MBD5: variants seen among roughly 807,000 people sequenced by gnomAD.
MBD5 encodes methyl-CpG-binding domain protein 5.
A neutral mutation model predicts 117.3 loss-of-function variants in MBD5; 13 were observed. That is an observed-to-expected ratio of 0.11 (90% CI 0.07 to 0.18). MBD5 has a LOEUF of 0.18. MBD5 is among the 10% of genes least tolerant of loss of function. MBD5 has a pLI of 1.00. For synonymous variants in MBD5, 727 were observed against 766.4 expected (o/e 0.95, Z 0.85); for missense variants, 1,879 against 2,093.8 (o/e 0.90, Z 2.00).
intron 1 of MBD5, among the ~76,000 whole-genome samples, chr2:148,108,338 C>A (rs1405755422): frequency 3.9e-5 from 6 of 152,008 alleles, no homozygotes; most frequent in Non-Finnish European, 4.4e-5. Context: ...TATAATGGTA[C>A]CTTTTTTATA....
chr2:148,149,237 A>G (rs1366058055), intron 1 of MBD5, among the ~76,000 whole-genome samples: 4 of 137,284 alleles, frequency 2.9e-5, no homozygotes, highest in East Asian at 2.1e-4. Context: ...ATGATTTCCA[A>G]TTTCATCCAT....
intron 2 of MBD5, among the ~76,000 whole-genome samples, chr2:148,197,806 G>GTTTTTTTTTTTTTTTTTTTTTTTTTT (rs67499597): frequency 1.1e-5 from 1 of 92,520 alleles, no homozygotes; most frequent in Non-Finnish European, 2.1e-5. Flanking sequence ...TTTTTTTTTT[G>GTTTTTTTTTTTTTTTTTTTTTTTTTT]TTTTTTTTTT....
chr2:148,140,764 C>CTT (rs912432089), intron 1 of MBD5, among the ~76,000 whole-genome samples: 1 of 144,774 alleles, frequency 6.9e-6, no homozygotes. Context: ...TAATGCTGTT[C>CTT]TTTTTTTTTT....
intron 4 of MBD5, among the ~76,000 whole-genome samples, chr2:148,443,523 G>T (rs575668421): frequency 6.6e-6 from 1 of 151,334 alleles, no homozygotes; most frequent in African/African-American, 2.5e-5. Flanking sequence ...TAAAGAAAAT[G>T]TAGTATATAT....
chr2:148,416,564 C>G (rs566765272), intron 4 of MBD5, among the ~76,000 whole-genome samples: 1 of 152,116 alleles, frequency 6.6e-6, no homozygotes, highest in African/African-American at 2.4e-5. Context: ...TTTATGTAGT[C>G]AAATTAACTA....
chr2:148,289,149 GT>G lies in MBD5; in HGVS notation c.-679-53058del, dbSNP rs944335936. Among the ~76,000 whole-genome samples the G allele has an allele frequency of 2.2e-4, 34 of 152,096 alleles. 1 individual carries two copies. Among genetic ancestry groups the G allele is most frequent in the Non-Finnish European group, 2.1e-4 (14 of 68,000 alleles). On this transcript the variant is annotated intron_variant, in intron 3 of 13. Coordinates refer to ENST00000642680, the MANE Select transcript of MBD5 (RefSeq NM_001378120.1). ...GCTAATAGTAGAAATGGCCAAAATA[GT>G]TTTTTTATTTGACTCAAGCTGATAC... is the stretch of plus-strand genomic sequence containing the variant.
At chr2:148,114,970 G>A (rs1381747507) in intron 1 of MBD5, among the ~76,000 whole-genome samples, 5 of 152,044 alleles carry the variant, frequency 3.3e-5, no homozygotes, top group Non-Finnish European at 7.4e-5. Flanking sequence ...ACTGAAGTTT[G>A]TGTGTATGTA....
intron 2 of MBD5, among the ~76,000 whole-genome samples, chr2:148,221,354 A>T (rs780376806): frequency 6.6e-6 from 1 of 152,120 alleles, no homozygotes; most frequent in Non-Finnish European, 1.5e-5. Context: ...ACTGTTCTCC[A>T]TAGTGCTTTT....
At chr2:148,056,339 T>C (rs1333325676) in intron 1 of MBD5, among the ~76,000 whole-genome samples, 2 of 152,134 alleles carry the variant, frequency 1.3e-5, no homozygotes, top group Non-Finnish European at 2.9e-5. Flanking sequence ...CTTTTATTTC[T>C]TCTTTTGCTT....
rs933746892 is a variant in MBD5, at chr2:148,178,798, GTAGTAACTATAGCCCCATATATAAT to G, written c.-831+7_-831+31del. ...TTTAGAAGATAAGCACTAAAGGTAA[GTAGTAACTATAGCCCCATATATAAT>G]TTCATGTAAATGGTTAGGGTTGTCA... On this transcript the variant is annotated splice_donor_region_variant and intron_variant, in intron 2 of 13. Transcript: ENST00000642680. 1.3e-5 allele frequency: 5 copies of G among 398,270 alleles called. No homozygotes were observed. Among genetic ancestry groups the G allele is most frequent in the African/African-American group, 1.0e-4 (5 of 48,584 alleles). The allele number at this position is 398,270 out of a possible 1,614,324, so 24.7% of individuals were successfully genotyped here. A position where few individuals can be genotyped will look rare whatever the true frequency, so the allele number is the denominator to read the frequency against.
chr2:148,437,155 G>A (rs1201004941), intron 4 of MBD5, among the ~76,000 whole-genome samples: 10 of 151,330 alleles, frequency 6.6e-5, no homozygotes, highest in Non-Finnish European at 1.3e-4. Context: ...CTAATTTTTT[G>A]TATTTTTAGT....
At chr2:148,352,286 G>C (rs1703266922) in intron 4 of MBD5, among the ~76,000 whole-genome samples, 1 of 151,792 alleles carries the variant, frequency 6.6e-6, no homozygotes, top group Admixed American at 6.6e-5. Flanking sequence ...ATACGTACCA[G>C]CTTTTTTTCC....
chr2:148,125,615 T>C (rs1265397040), intron 1 of MBD5, among the ~76,000 whole-genome samples: 1 of 152,234 alleles, frequency 6.6e-6, no homozygotes, highest in African/African-American at 2.4e-5. Flanking sequence ...GGGCTCATCT[T>C]TGGTGTCATC....
At chr2:148,435,408 T>C (rs867532483) in intron 4 of MBD5, among the ~76,000 whole-genome samples, 56 of 152,150 alleles carry the variant, frequency 3.7e-4, no homozygotes, top group African/African-American at 1.2e-3. Flanking sequence ...CCTTACCATA[T>C]TGAGGGACCT....
chr2:148,089,617 A>G (rs1695884117), intron 1 of MBD5, among the ~76,000 whole-genome samples: 1 of 152,076 alleles, frequency 6.6e-6, no homozygotes, highest in African/African-American at 2.4e-5. Context: ...TGAAAACAAG[A>G]TGGAAGTAAA....
chr2:148,512,870 G>A lies in MBD5; in HGVS notation c.5113G>A (p.Val1705Ile). Residue 1705 changes from valine to isoleucine, a missense_variant and splice_region_variant, in exon 14 of 14, where the codon GTA (valine) becomes ATA (isoleucine). Val to Ile is a conservative substitution (Grantham distance 29, BLOSUM62 3). This residue lies in a region of MBD5 where 135 missense variants were observed against 148.0 expected (regional missense o/e 0.91). Transcript: ENST00000642680. ...MSELDKMSGT[V>I]HQIPQGDRQM... ...TTTTTTTCTACCTTTTTATTTCCAG[G>A]TACACCAAATCCCACAGGGTGACAG... The A allele has an allele frequency of 6.2e-7, 1 of 1,613,134 alleles. No homozygotes were observed. Among genetic ancestry groups the A allele is most frequent in the Non-Finnish European group, 8.5e-7 (1 of 1,179,494 alleles).
At chr2:148,503,606 C>A (rs1388699886) in intron 12 of MBD5, among the ~76,000 whole-genome samples, 2 of 152,198 alleles carry the variant, frequency 1.3e-5, no homozygotes, top group Non-Finnish European at 2.9e-5. Context: ...AAGATGACAG[C>A]TGCAAGGGGC....
At chr2:148,074,484 G>GTTTTTTTTTTGTT (rs1573985263) in intron 1 of MBD5, among the ~76,000 whole-genome samples, 13 of 123,150 alleles carry the variant, frequency 1.1e-4, no homozygotes, top group South Asian at 4.8e-4. Flanking sequence ...GGAATAGTTT[G>GTTTTTTTTTTGTT]TTTTTTTTTT....
chr2:148,079,876 AACAACAAC>A (rs1357648994), intron 1 of MBD5, among the ~76,000 whole-genome samples: 1 of 150,274 alleles, frequency 6.7e-6, no homozygotes, highest in Non-Finnish European at 1.5e-5. Flanking sequence ...CAACAACAAC[AACAACAAC>A]AACAACAACA....
Sources: gnomAD v4.1 joint callset for allele counts (sites outside exome capture counted in the v4.1 genomes callset) on GRCh38, gnomAD v4.1.1 for gene constraint, gnomAD v4.1.1 regional missense constraint, MANE v1.5 for transcripts, NCBI Gene and HGNC (gene_info 2026-07-23, HGNC 2026-07-21) for gene names.